The following AKT2 variants were observed in gnomAD, a reference collection of about 807,000 sequenced individuals.
AKT2 encodes the protein RAC-beta serine/threonine-protein kinase.
AKT2 carries 16 observed loss-of-function variants against 58.6 expected under a neutral mutation model. That is an observed-to-expected ratio of 0.27 (90% CI 0.18 to 0.41). AKT2 has a LOEUF of 0.41. AKT2 is among the 10% of genes least tolerant of loss of function. The pLI, the probability that AKT2 is intolerant of heterozygous loss-of-function variation, is 1.00. For synonymous variants in AKT2, 253 were observed against 254.0 expected (o/e 1.00, Z 0.04); for missense variants, 438 against 661.0 (o/e 0.66, Z 3.70).
intron 1 of AKT2, among the ~76,000 whole-genome samples, chr19:40,266,785 T>C (rs546806164): frequency 3.9e-4 from 59 of 152,284 alleles, no homozygotes; most frequent in African/African-American, 1.3e-3. Context: ...TCTCACGACC[T>C]AATTTTTTTC....
chr19:40,254,761 G>A (rs1975414901), intron 4 of AKT2, among the ~76,000 whole-genome samples: 1 of 152,028 alleles, frequency 6.6e-6, no homozygotes, highest in Admixed American at 6.5e-5. Context: ...CCCAGGAGGT[G>A]GAGGTTGGAG....
At chr19:40,256,646 GC>G (rs1204674354) in intron 3 of AKT2, among the ~76,000 whole-genome samples, 1 of 152,168 alleles carries the variant, frequency 6.6e-6, no homozygotes, top group East Asian at 1.9e-4. Context: ...GGACTCCAAG[GC>G]CTGGCTGACA....
At chr19:40,285,128 C>T in intron 1 of AKT2, 53 bp downstream of exon 1, 1 of 391,786 alleles carries the variant, frequency 2.6e-6, no homozygotes, top group Non-Finnish European at 4.5e-6. Flanking sequence ...GCGGGGGGCC[C>T]GGACGCGACC....
chr19:40,275,331 C>T (rs1254602336), intron 1 of AKT2: 8 of 456,290 alleles, frequency 1.8e-5, no homozygotes. Context: ...CCACGTCGCT[C>T]TGCATCGCCA....
chr19:40,251,115 G>T lies in AKT2; in HGVS notation c.287+4043C>A, dbSNP rs542138124. Among the ~76,000 whole-genome samples, 18 of 151,884 alleles carry T rather than the reference G, an allele frequency of 1.2e-4. No individual in the cohort carries two copies. In the East Asian group the frequency reaches 3.3e-3, roughly 28 times the overall value. On this transcript the variant is annotated intron_variant, in intron 4 of 13. Transcript: ENST00000392038. Reference sequence around the variant, plus strand: ...GCTACTCAGGATCCTGAGGCGTAAGGATGGATTAAGCTCAGGAGTTTGAGA... The same window carrying T: ...GCTACTCAGGATCCTGAGGCGTAAGTATGGATTAAGCTCAGGAGTTTGAGA...
At chr19:40,276,471 T>G (rs777120100) in intron 1 of AKT2, among the ~76,000 whole-genome samples, 1 of 141,966 alleles carries the variant, frequency 7.0e-6, no homozygotes, top group Non-Finnish European at 1.5e-5. Flanking sequence ...GTTCAAGCAA[T>G]TCTCCTGTCT....
In AKT2 at chr19:40,231,089, TCTA is replaced by T. The variant is rs76524493; in HGVS notation, c.*2780_*2782del. The T allele has an allele frequency of 0.1, 22,985 of 225,424 alleles. 1,681 individuals are homozygous for T. The highest frequency in any genetic ancestry group is 0.23 in the African/African-American group (10,249 of 44,786). 14.0% of individuals were successfully genotyped at this position (225,424 alleles called of 1,614,324 possible). A position where few individuals can be genotyped will look rare whatever the true frequency, so the allele number is the denominator to read the frequency against. ...AATGTACATTGCAAAAGACGATTAT[TCTA>T]CTCAAAATTTATTTGGTAAGATTTT... On this transcript the variant is annotated 3_prime_UTR_variant, in exon 14 of 14. Coordinates refer to ENST00000392038, the MANE Select transcript of AKT2 (RefSeq NM_001626.6).
chr19:40,252,786 T>C (rs563074156), intron 4 of AKT2, among the ~76,000 whole-genome samples: 4 of 152,220 alleles, frequency 2.6e-5, no homozygotes, highest in Non-Finnish European at 5.9e-5. Context: ...TTCTCCTTGC[T>C]ATCTCCGTGG....
rs1375879758 is a variant in AKT2, at chr19:40,231,829, ACCACG to A, written c.*2038_*2042del. 4.3e-6 allele frequency: 1 copy of A among 233,624 alleles called. No homozygotes were observed. The highest frequency in any genetic ancestry group is 5.6e-5 in the Admixed American group (1 of 17,784). The allele number at this position is 233,624 out of a possible 1,614,324, so 14.5% of individuals were successfully genotyped here. On this transcript the variant is annotated 3_prime_UTR_variant, in exon 14 of 14. Coordinates refer to ENST00000392038, the MANE Select transcript of AKT2 (RefSeq NM_001626.6). ...GCTCAGGAGCTCCCAGGTGACAGCA[ACCACG>A]CCACCATGAACACACCACTGGGTCT...
intron 2 of AKT2, among the ~76,000 whole-genome samples, chr19:40,259,222 A>G (rs1014551068): frequency 3.3e-5 from 5 of 152,220 alleles, no homozygotes; most frequent in African/African-American, 1.2e-4. Flanking sequence ...AAGAAAAAAT[A>G]TCCTTACAAT....
rs1052983556 is a variant in AKT2, at chr19:40,234,150, T to C, written c.1367-199A>G. On this transcript the variant is annotated intron_variant, in intron 13 of 13. Transcript: ENST00000392038. The surrounding 1 kb of genome is among the most constrained non-coding windows in gnomAD (Gnocchi z 4.7). ...AGCCCCGGGCGGCCTCCTCTGGGAG[T>C]TTCCTGTGCCCTTGCCCATGCGCCC... Among the ~76,000 whole-genome samples the C allele has an allele frequency of 1.3e-5, 2 of 151,896 alleles. No homozygotes were observed. Among genetic ancestry groups the C allele is most frequent in the African/African-American group, 2.4e-5 (1 of 41,338 alleles).
intron 4 of AKT2, among the ~76,000 whole-genome samples, chr19:40,245,886 G>A (rs1974718233): frequency 6.6e-6 from 1 of 152,092 alleles, no homozygotes; most frequent in Non-Finnish European, 1.5e-5. Flanking sequence ...GTGGCCCCAG[G>A]GCCAGGGCGC....
intron 4 of AKT2, among the ~76,000 whole-genome samples, chr19:40,244,921 G>A (rs1006049442): frequency 5.3e-5 from 8 of 152,156 alleles, no homozygotes; most frequent in African/African-American, 1.4e-4. Context: ...GGTGTACCAC[G>A]CGAAACTACT....
At chr19:40,259,881 G>A (rs1028109691) in intron 2 of AKT2, among the ~76,000 whole-genome samples, 5 of 152,186 alleles carry the variant, frequency 3.3e-5, no homozygotes, top group African/African-American at 1.2e-4. Flanking sequence ...GGCCGGGCGC[G>A]GTAGCTCACA....
At chr19:40,260,765 G>A (rs576623980) in intron 2 of AKT2, among the ~76,000 whole-genome samples, 33 of 150,406 alleles carry the variant, frequency 2.2e-4, no homozygotes, top group Non-Finnish European at 2.9e-4. Flanking sequence ...ATTGATATAC[G>A]CTACTACATA....
intron 3 of AKT2, 165 bp from the exon 4 acceptor site, chr19:40,255,434 G>A (rs998853838): frequency 1.7e-6 from 1 of 585,070 alleles, no homozygotes; most frequent in Non-Finnish European, 3.1e-6. Context: ...AGGGCTCAGG[G>A]TCTAGTGTGT....
intron 1 of AKT2, among the ~76,000 whole-genome samples, chr19:40,271,237 A>G (rs2077208850): frequency 6.8e-6 from 1 of 147,696 alleles, no homozygotes; most frequent in African/African-American, 2.5e-5. Context: ...ACACACATAT[A>G]TATGTATATA....
At chr19:40,268,875 C>G (rs780080198) in intron 1 of AKT2, 1 of 152,490 alleles carries the variant, frequency 6.6e-6, no homozygotes, top group Admixed American at 6.5e-5. Flanking sequence ...GCCTGTAATC[C>G]CAGCACTTTG....
intron 2 of AKT2, among the ~76,000 whole-genome samples, chr19:40,260,050 G>A (rs1296078079): frequency 6.6e-6 from 1 of 152,122 alleles, no homozygotes; most frequent in Non-Finnish European, 1.5e-5. Context: ...TGCTTGGGAG[G>A]CTGAGGCCTG....
Sources: gnomAD v4.1 joint callset for allele counts (sites outside exome capture counted in the v4.1 genomes callset) on GRCh38, gnomAD v4.1.1 for gene constraint, Gnocchi (gnomAD v3.1) non-coding constraint, MANE v1.5 for transcripts, NCBI Gene and HGNC (gene_info 2026-07-23, HGNC 2026-07-21) for gene names.